The following STS variants were observed in gnomAD, a reference collection of about 807,000 sequenced individuals.
STS encodes the protein steryl-sulfatase.
STS carries 7 observed loss-of-function variants against 26.8 expected under a neutral mutation model. The observed-to-expected ratio is 0.26, with a 90% confidence interval of 0.15 to 0.49. The LOEUF (loss-of-function observed/expected upper bound fraction) is 0.49, where lower values mean the gene tolerates loss of function less well. STS is among the 20% of genes least tolerant of loss of function. The probability of loss-of-function intolerance (pLI) is 0.98; values close to 1 mark genes in which losing one functional copy is unlikely to be tolerated. For missense variants in STS, 434 were observed against 465.6 expected (o/e 0.93, Z 0.63); for synonymous variants, 199 against 189.4 (o/e 1.05, Z -0.42).
intron 1 of STS, 55 bp downstream of exon 1, chrX:7,148,138 G>T: frequency 1.9e-6 from 2 of 1,069,596 alleles, no homozygotes; most frequent in Non-Finnish European, 2.5e-6. Flanking sequence ...GGTCTGGGTG[G>T]GGGCGAGGAG....
rs761021536 is a variant in STS at position 7,335,668 on chromosome X, C to T, written c.1363+1561C>T. On this transcript the variant is annotated intron_variant, in intron 10 of 10. Coordinates refer to ENST00000674429, the MANE Select transcript of STS (RefSeq NM_001320752.2). ...TTGCCATTGCTTTTGGTGTTTTAGA[C>T]GTGAAGTCCCTGCCCATGCCTGTGT... Among the ~76,000 whole-genome samples, 19 of 112,028 alleles carry T rather than the reference C, an allele frequency of 1.7e-4. No individual in the cohort carries two copies. In the South Asian group the frequency reaches 2.6e-3, roughly 16 times the overall value.
intron 2 of STS, among the ~76,000 whole-genome samples, chrX:7,246,468 AT>A (rs33989240): frequency 9.8e-6 from 1 of 102,386 alleles, no homozygotes; most frequent in African/African-American, 3.6e-5. Context: ...CACCCGGCTA[AT>A]TTTTTTTTTT....
intron 9 of STS, among the ~76,000 whole-genome samples, chrX:7,327,144 G>C (rs1927516735): frequency 1.8e-5 from 2 of 111,434 alleles, no homozygotes; most frequent in South Asian, 7.7e-4. Context: ...ATACATCGAT[G>C]ATGTCATCAT....
At chrX:7,324,613 G>C (rs1203433999) in intron 8 of STS, among the ~76,000 whole-genome samples, 1 of 111,360 alleles carries the variant, frequency 9.0e-6, no homozygotes, top group Non-Finnish European at 1.9e-5. Flanking sequence ...TGTTTTGTCA[G>C]TCTTAAGGTC....
rs1340924739 is a variant in STS at position 7,333,995 on chromosome X, T to C, written c.1251T>C (p.Asp417=). 2.5e-6 allele frequency: 3 copies of C among 1,211,614 alleles called. No homozygotes were observed. Among genetic ancestry groups the C allele is most frequent in the Admixed American group, 2.2e-5 (1 of 46,018 alleles). ...GAPLPEDRII[D]GRDLMPLLEG... is the part of the protein sequence containing the mutation. ...GCTGTTTATCCCACAGGATCATTGA[T>C]GGACGTGATCTGATGCCCCTGCTTG... The change falls in exon 10 of 11, where the codon GAT becomes GAC. Residue 417 remains aspartate, a synonymous_variant. Transcript: ENST00000674429.
At chrX:7,278,519 G>A (rs1924648071) in intron 7 of STS, among the ~76,000 whole-genome samples, 1 of 112,078 alleles carries the variant, frequency 8.9e-6, no homozygotes, top group African/African-American at 3.2e-5. Flanking sequence ...CATATTCAGT[G>A]ACCAAGAACC....
rs1932916411 is a variant in STS, at chrX:7,148,081, G to A, written c.-136G>A. 1 of 1,137,814 alleles carries A rather than the reference G, an allele frequency of 8.8e-7. No homozygotes were observed. Among genetic ancestry groups the A allele is most frequent in the Non-Finnish European group, 1.2e-6 (1 of 857,494 alleles). The allele number at this position is 1,137,814 out of a possible 1,213,427, so 93.8% of individuals were successfully genotyped here. On this transcript the variant is annotated splice_region_variant and 5_prime_UTR_variant, in exon 1 of 11. The change abolishes an upstream ATG in the 5' untranslated region. Transcript: ENST00000674429. Reference sequence around the variant, plus strand: ...GAAGAAGTCCGTCCATGTCAAAGATGAGGTGGGTGACGGGCTGCGGGGGCG... The same window carrying A: ...GAAGAAGTCCGTCCATGTCAAAGATAAGGTGGGTGACGGGCTGCGGGGGCG...
chrX:7,235,132 A>G (rs1922254209), intron 2 of STS, among the ~76,000 whole-genome samples: 1 of 112,218 alleles, frequency 8.9e-6, no homozygotes, highest in Middle Eastern at 4.6e-3. Context: ...GGTTCATAGC[A>G]AAGCATTTGG....
chrX:7,240,489 ATGTATGTG>A (rs1922546360), intron 2 of STS, among the ~76,000 whole-genome samples: 1 of 45,034 alleles, frequency 2.2e-5, no homozygotes, highest in Non-Finnish European at 4.1e-5. Flanking sequence ...ACACACAGAT[ATGTATGTG>A]TGTGTGTGTG....
intron 1 of STS, among the ~76,000 whole-genome samples, chrX:7,184,694 CCTTTA>C (rs375630701): frequency 8.9e-6 from 1 of 111,839 alleles, no homozygotes; most frequent in East Asian, 2.8e-4. Flanking sequence ...ATAATATATG[CCTTTA>C]CTTTACCTCC....
chrX:7,270,237 G>C (rs112806488), intron 6 of STS, among the ~76,000 whole-genome samples: 9 of 112,222 alleles, frequency 8.0e-5, no homozygotes, highest in African/African-American at 2.6e-4. Flanking sequence ...GAATTAAGCT[G>C]TTATTGAGAA....
At chrX:7,223,502 T>C (rs1601664664) in intron 2 of STS, among the ~76,000 whole-genome samples, 1 of 112,332 alleles carries the variant, frequency 8.9e-6, no homozygotes, top group Admixed American at 9.4e-5. Flanking sequence ...ATTAGTGGTC[T>C]TGCACATTTT....
At chrX:7,309,135 A>G (rs1376388232) in intron 8 of STS, among the ~76,000 whole-genome samples, 1 of 111,603 alleles carries the variant, frequency 9.0e-6, no homozygotes, top group African/African-American at 3.3e-5. Context: ...TTCCCTGGTG[A>G]AATCTATGGG....
At chrX:7,280,185 G>A (rs1233235501) in intron 7 of STS, among the ~76,000 whole-genome samples, 3 of 111,865 alleles carry the variant, frequency 2.7e-5, no homozygotes. Context: ...TGTAGGGTGG[G>A]AGTGGGGTGC....
At chrX:7,271,311 A>G (rs1411065186) in intron 6 of STS, among the ~76,000 whole-genome samples, 2 of 111,623 alleles carry the variant, frequency 1.8e-5, no homozygotes, top group African/African-American at 3.3e-5. Context: ...CTGTAATTTC[A>G]TGTTCGTTTT....
chrX:7,152,473 A>G (rs1601615410), intron 1 of STS, among the ~76,000 whole-genome samples: 1 of 111,139 alleles, frequency 9.0e-6, no homozygotes, highest in South Asian at 3.8e-4. Flanking sequence ...GCCCACCACC[A>G]TGCCTAGCTA....
intron 7 of STS, among the ~76,000 whole-genome samples, chrX:7,302,430 G>A (rs1348762939): frequency 9.0e-6 from 1 of 111,714 alleles, no homozygotes; most frequent in Non-Finnish European, 1.9e-5. Flanking sequence ...TTGCTTAGCT[G>A]CACCAGATAA....
intron 8 of STS, among the ~76,000 whole-genome samples, chrX:7,322,936 T>A (rs1927113670): frequency 8.9e-6 from 1 of 112,220 alleles, no homozygotes; most frequent in African/African-American, 3.2e-5. Flanking sequence ...TTTAATTATA[T>A]TCTAATTGCT....
At chrX:7,277,277 TTCTC>T (rs753740222) in intron 7 of STS, among the ~76,000 whole-genome samples, 1 of 112,148 alleles carries the variant, frequency 8.9e-6, no homozygotes, top group Non-Finnish European at 1.9e-5. Context: ...CTTTTACTTT[TTCTC>T]TCTCTCATTC....
Sources: gnomAD v4.1 joint callset for allele counts (sites outside exome capture counted in the v4.1 genomes callset) on GRCh38, gnomAD v4.1.1 for gene constraint, MANE v1.5 for transcripts, NCBI Gene and HGNC (gene_info 2026-07-23, HGNC 2026-07-21) for gene names.